AKT3: variants seen among roughly 807,000 people sequenced by gnomAD.
The protein encoded by AKT3 is RAC-gamma serine/threonine-protein kinase.
AKT3 carries 15 observed loss-of-function variants against 65.3 expected under a neutral mutation model. The observed-to-expected ratio is 0.23, with a 90% CI of 0.15 to 0.35. The LOEUF (loss-of-function observed/expected upper bound fraction) is 0.35, where lower values mean the gene tolerates loss of function less well. Ranked by LOEUF, AKT3 falls within the 10% of genes least tolerant of loss-of-function variation. The probability of loss-of-function intolerance (pLI) is 1.00; values close to 1 mark genes in which losing one functional copy is unlikely to be tolerated. For missense variants in AKT3, 243 were observed against 576.5 expected (o/e 0.42, Z 5.92); for synonymous variants, 206 against 183.8 (o/e 1.12, Z -0.98).
chr1:243,811,015 G>T (rs1246906057), intron 2 of AKT3, among the ~76,000 whole-genome samples: 1 of 151,992 alleles, frequency 6.6e-6, no homozygotes, highest in African/African-American at 2.4e-5. Flanking sequence ...GTATTGATGG[G>T]ACGTATCTCA....
At chr1:243,849,092 T>C (rs952137087) in intron 1 of AKT3, among the ~76,000 whole-genome samples, 2 of 152,216 alleles carry the variant, frequency 1.3e-5, no homozygotes, top group Non-Finnish European at 1.5e-5. Flanking sequence ...TGACCCCGCC[T>C]CGGCGTCAGG....
rs534923567 is a variant in AKT3 at position 243,551,057 on chromosome 1, G to A, written c.1163+1672C>T. On this transcript the variant is annotated intron_variant, in intron 11 of 13. Transcript: ENST00000673466. ...GCTCCTTACTTAATTGTAAAAGAAC[G>A]CTATCAAACGGAACACATTTCAAAA... 3.5e-4 allele frequency among the ~76,000 whole-genome samples: 51 copies of A among 147,372 alleles called. 1 individual carries two copies. Among genetic ancestry groups the A allele is most frequent in the African/African-American group, 1.1e-3 (46 of 40,056 alleles).
chr1:243,815,460 C>T (rs1693451408), intron 2 of AKT3, among the ~76,000 whole-genome samples: 1 of 152,162 alleles, frequency 6.6e-6, no homozygotes, highest in African/African-American at 2.4e-5. Flanking sequence ...GCTTCTACTT[C>T]TACTCAAACT....
chr1:243,709,887 A>T (rs1440937684), intron 2 of AKT3, among the ~76,000 whole-genome samples: 1 of 152,076 alleles, frequency 6.6e-6, no homozygotes, highest in Non-Finnish European at 1.5e-5. Flanking sequence ...GGCCAAAAAA[A>T]TAGACAAACT....
At position 243,501,982 on chromosome 1, in the gene AKT3, G is replaced by C. The variant is rs1304615592; in HGVS notation, c.*3267C>G. The C allele has an allele frequency of 1.3e-5, 3 of 232,652 alleles. No homozygotes were observed. Among genetic ancestry groups the C allele is most frequent in the African/African-American group, 4.4e-5 (2 of 45,438 alleles). The allele number at this position is 232,652 out of a possible 1,614,324, so 14.4% of individuals were successfully genotyped here. On this transcript the variant is annotated 3_prime_UTR_variant, in exon 14 of 14. Transcript: ENST00000673466. ...GTTTCTTGGGTTTATAGTTGCATCT[G>C]CTTAAAATCCTTAACCAGATGACTA...
intron 4 of AKT3, among the ~76,000 whole-genome samples, chr1:243,647,540 G>A (rs919008858): frequency 5.9e-5 from 9 of 152,230 alleles, no homozygotes; most frequent in South Asian, 2.1e-4. Context: ...ATTGTGGAGG[G>A]TTTTATTTCA....
chr1:243,794,402 T>A (rs899800098), intron 2 of AKT3: 1 of 152,252 alleles, frequency 6.6e-6, no homozygotes, highest in Non-Finnish European at 1.5e-5. Context: ...CAAATGCCCA[T>A]TTAATTGCTA....
At chr1:243,695,479 A>T in intron 3 of AKT3, 112 bp downstream of exon 3, 1 of 1,012,622 alleles carries the variant, frequency 9.9e-7, no homozygotes, top group Non-Finnish European at 1.4e-6. Context: ...TTTCTCTATT[A>T]AATATAAACC....
At chr1:243,593,852 G>T (rs1455275668) in intron 8 of AKT3, among the ~76,000 whole-genome samples, 6 of 152,088 alleles carry the variant, frequency 3.9e-5, no homozygotes, top group Non-Finnish European at 7.4e-5. Context: ...AATAATAAAA[G>T]ACTTAATCTT....
intron 1 of AKT3, among the ~76,000 whole-genome samples, chr1:243,844,805 T>A (rs1456025355): frequency 6.6e-6 from 1 of 152,158 alleles, no homozygotes; most frequent in Admixed American, 6.5e-5. Context: ...TGCGGGAAAG[T>A]CCTCAAAAAC....
chr1:243,725,799 A>G (rs1020108928), intron 2 of AKT3, among the ~76,000 whole-genome samples: 35 of 152,220 alleles, frequency 2.3e-4, no homozygotes, highest in African/African-American at 8.4e-4. Flanking sequence ...TTTAATGAAA[A>G]CAATACATAT....
intron 8 of AKT3, chr1:243,612,423 T>C (rs1289071827): frequency 2.0e-5 from 3 of 152,158 alleles, no homozygotes; most frequent in Non-Finnish European, 4.4e-5. Flanking sequence ...CCTGAATGAA[T>C]GAAGTTTTGC....
intron 11 of AKT3, among the ~76,000 whole-genome samples, chr1:243,550,640 CA>C (rs1672982743): frequency 6.6e-6 from 1 of 151,200 alleles, no homozygotes; most frequent in African/African-American, 2.4e-5. Context: ...AATATTAGAC[CA>C]AAAAATGAAA....
At chr1:243,523,714 T>A (rs1670870664) in intron 12 of AKT3, among the ~76,000 whole-genome samples, 1 of 152,188 alleles carries the variant, frequency 6.6e-6, no homozygotes, top group South Asian at 2.1e-4. Context: ...ACTCTTAAAA[T>A]CTGGGTCAGG....
chr1:243,693,243 GATATATATATATATATATATAT>G lies in AKT3; in HGVS notation c.172+2326_172+2347del, dbSNP rs1172388560. Among the ~76,000 whole-genome samples the G allele has an allele frequency of 1.2e-3, 55 of 45,404 alleles. 3 individuals are homozygous for G. In the East Asian group the frequency reaches 0.013, roughly 11 times the overall value. 29.8% of individuals were successfully genotyped at this position (45,404 alleles called of 152,430 possible). A position where few individuals can be genotyped will look rare whatever the true frequency, so the allele number is the denominator to read the frequency against. On this transcript the variant is annotated intron_variant, in intron 3 of 13. Coordinates refer to ENST00000673466, the MANE Select transcript of AKT3 (RefSeq NM_005465.7). ...TATATCCCTTTGGTAGCTACAATTT[GATATATATATATATATATATAT>G]ATATATATATATATATATATATATA... is the stretch of plus-strand genomic sequence containing the variant.
chr1:243,499,950 C>A lies in AKT3; in HGVS notation c.*5299G>T. ...CGCGGGCGCTGTCCCCGCACGCAGT[C>A]GGGCTGGAGCTGGAGTCTGACTCTA... On this transcript the variant is annotated 3_prime_UTR_variant, in exon 14 of 14. Transcript: ENST00000673466. 1 of 682,820 alleles carries A rather than the reference C, an allele frequency of 1.5e-6. No homozygotes were observed. The highest frequency in any genetic ancestry group is 1.6e-5 in the South Asian group (1 of 62,346). The allele number at this position is 682,820 out of a possible 1,614,324, so 42.3% of individuals were successfully genotyped here.
intron 1 of AKT3, among the ~76,000 whole-genome samples, chr1:243,844,155 G>T (rs149836230): frequency 1.3e-5 from 2 of 152,078 alleles, no homozygotes; most frequent in Non-Finnish European, 2.9e-5. Flanking sequence ...GAACTGTTAC[G>T]GGTACTTACA....
chr1:243,723,170 G>A (rs1236923296), intron 2 of AKT3, among the ~76,000 whole-genome samples: 1 of 152,154 alleles, frequency 6.6e-6, no homozygotes, highest in Non-Finnish European at 1.5e-5. Context: ...GCATAGGAGA[G>A]TGTTTTGAAG....
chr1:243,714,029 T>C (rs147346172), intron 2 of AKT3, among the ~76,000 whole-genome samples: 3 of 152,248 alleles, frequency 2.0e-5, no homozygotes, highest in African/African-American at 4.8e-5. Flanking sequence ...ATAAATCATG[T>C]TGGGTTTTTT....
Sources: allele counts gnomAD v4.1 joint callset (sites outside exome capture counted in the v4.1 genomes callset), GRCh38; gene constraint gnomAD v4.1.1; transcripts MANE v1.5; gene names NCBI Gene and HGNC (gene_info 2026-07-23, HGNC 2026-07-21).